FAM107B: variants seen among roughly 807,000 people sequenced by gnomAD.
FAM107B encodes the protein family with sequence similarity 107 member B.
Under a neutral mutation model 31.5 loss-of-function variants are expected in FAM107B, and 21 were observed. That is an observed-to-expected ratio of 0.67 (90% confidence interval 0.47 to 0.96). FAM107B has a LOEUF of 0.96. Ranked by LOEUF, FAM107B falls within the 40% of genes least tolerant of loss-of-function variation. The pLI is 0.00. For synonymous variants in FAM107B, 157 were observed against 141.5 expected (o/e 1.11, Z -0.78); for missense variants, 452 against 377.1 (o/e 1.20, Z -1.64).
At chr10:14,524,519 CTAAA>C (rs1445715842) in intron 3 of FAM107B, among the ~76,000 whole-genome samples, 1 of 152,074 alleles carries the variant, frequency 6.6e-6, no homozygotes, top group East Asian at 1.9e-4. Context: ...GTTATCAAAA[CTAAA>C]TAAACAACAG....
intron 1 of FAM107B, among the ~76,000 whole-genome samples, chr10:14,708,775 C>T (rs1015332355): frequency 1.3e-5 from 2 of 152,110 alleles, no homozygotes; most frequent in African/African-American, 2.4e-5. Flanking sequence ...AAGAACGTTT[C>T]AAACTCAACA....
At chr10:14,524,203 G>A (rs1005755487) in intron 3 of FAM107B, among the ~76,000 whole-genome samples, 21 of 152,004 alleles carry the variant, frequency 1.4e-4, no homozygotes, top group African/African-American at 4.8e-4. Context: ...AACCACGACC[G>A]GATAATTTTT....
At chr10:14,657,797 T>C (rs1854104663) in intron 2 of FAM107B, among the ~76,000 whole-genome samples, 2 of 151,840 alleles carry the variant, frequency 1.3e-5, no homozygotes, top group Admixed American at 6.6e-5. Flanking sequence ...AACAAGCATG[T>C]TGCCACCTTC....
intron 2 of FAM107B, among the ~76,000 whole-genome samples, chr10:14,627,369 C>A (rs1289442516): frequency 3.9e-5 from 6 of 152,176 alleles, no homozygotes. Context: ...GATAAACAGA[C>A]AGGAGGAGAT....
At chr10:14,633,752 C>T (rs11259241) in intron 2 of FAM107B, among the ~76,000 whole-genome samples, 6,255 of 152,224 alleles carry the variant, frequency 0.041, 193 homozygotes, top group African/African-American at 0.087. Flanking sequence ...CATTCTGCAA[C>T]CTGACAACTT....
chr10:14,704,525 C>A (rs1855477497), intron 1 of FAM107B, among the ~76,000 whole-genome samples: 1 of 152,144 alleles, frequency 6.6e-6, no homozygotes, highest in South Asian at 2.1e-4. Context: ...AGGGGACGCC[C>A]AGCCAAGACT....
chr10:14,536,752 A>G (rs866234043), intron 2 of FAM107B, among the ~76,000 whole-genome samples: 1 of 152,172 alleles, frequency 6.6e-6, no homozygotes, highest in Non-Finnish European at 1.5e-5. Flanking sequence ...GTAAGTGCAG[A>G]GACGTTATTG....
intron 2 of FAM107B, among the ~76,000 whole-genome samples, chr10:14,625,744 G>GA (rs926279236): frequency 8.1e-5 from 12 of 148,606 alleles, no homozygotes; most frequent in African/African-American, 1.2e-4. Flanking sequence ...TGCTTAGAAG[G>GA]AAAAAAAAAG....
At chr10:14,768,184 T>A (rs531149318) in intron 1 of FAM107B, among the ~76,000 whole-genome samples, 9 of 152,318 alleles carry the variant, frequency 5.9e-5, no homozygotes, top group African/African-American at 2.2e-4. Flanking sequence ...AAATATCTTG[T>A]GTTCATGGAT....
Position 14,520,489 on chromosome 10 carries a change from G to A in FAM107B, c.*701C>T, listed in dbSNP as rs1477934429. The A allele has an allele frequency of 6.6e-6, 1 of 152,200 alleles. No homozygotes were observed. The highest frequency in any genetic ancestry group is 1.5e-5 in the Non-Finnish European group (1 of 68,036). 9.4% of individuals were successfully genotyped at this position (152,200 alleles called of 1,614,324 possible). ...AAAGCAATTAATGAATGGACAGGATGTACCTTCTTGGAACTGGAATGTCAC... is the reference window on the plus strand; with the variant it reads ...AAAGCAATTAATGAATGGACAGGATATACCTTCTTGGAACTGGAATGTCAC... On this transcript the variant is annotated 3_prime_UTR_variant, in exon 5 of 5. Transcript: ENST00000181796.
chr10:14,674,106 G>C (rs1249854161), intron 1 of FAM107B, among the ~76,000 whole-genome samples: 4 of 152,192 alleles, frequency 2.6e-5, no homozygotes, highest in Non-Finnish European at 4.4e-5. Context: ...AACTCAAAAT[G>C]CATCAAAGAC....
At chr10:14,750,949 G>T (rs1208087115) in intron 1 of FAM107B, among the ~76,000 whole-genome samples, 3 of 152,182 alleles carry the variant, frequency 2.0e-5, no homozygotes, top group Non-Finnish European at 4.4e-5. Context: ...TCAGGGGTGG[G>T]CACGATGGGG....
chr10:14,774,378 G>C lies in FAM107B; in HGVS notation c.286C>G (p.Arg96Gly). 3.1e-6 allele frequency: 5 copies of C among 1,614,204 alleles called. No individual in the cohort carries two copies. Among genetic ancestry groups the C allele is most frequent in the Non-Finnish European group, 4.2e-6 (5 of 1,180,042 alleles). ...GTCTCCGCGGGCTGGGCCGCAGTGCGGTGACTTGAATTCCGATTCGCACTG... is the reference window on the plus strand; with the variant it reads ...GTCTCCGCGGGCTGGGCCGCAGTGCCGTGACTTGAATTCCGATTCGCACTG... ...NGSANRNSSH[R>G]TAAQPAETPE... The change falls in exon 1 of 5, where the codon CGC becomes GGC. Residue 96 changes from arginine (R) to glycine (G), a missense_variant. Arg to Gly is a moderately radical substitution (Grantham distance 125). Coordinates refer to ENST00000181796, the MANE Select transcript of FAM107B (RefSeq NM_031453.4).
At chr10:14,571,002 G>T (rs1851174524) in intron 2 of FAM107B, among the ~76,000 whole-genome samples, 1 of 152,090 alleles carries the variant, frequency 6.6e-6, no homozygotes, top group Admixed American at 6.6e-5. Flanking sequence ...TAGGCTGGGG[G>T]CCTTAAACAA....
intron 1 of FAM107B, chr10:14,723,351 G>C: frequency 3.7e-6 from 2 of 545,608 alleles, no homozygotes; most frequent in Admixed American, 1.9e-5. Context: ...GTGAACTCAG[G>C]TGCTGGAGCA....
At chr10:14,576,703 CAT>C (rs575534640) in intron 2 of FAM107B, among the ~76,000 whole-genome samples, 96 of 152,288 alleles carry the variant, frequency 6.3e-4, no homozygotes, top group African/African-American at 2.0e-3. Flanking sequence ...AGTGCAAACA[CAT>C]CTTTGTACTT....
At chr10:14,691,066 G>T (rs1400455921) in intron 1 of FAM107B, among the ~76,000 whole-genome samples, 2 of 151,642 alleles carry the variant, frequency 1.3e-5, no homozygotes, top group East Asian at 3.9e-4. Flanking sequence ...ACATGGGCTA[G>T]CTTCCGTCAC....
At chr10:14,766,587 G>A (rs1263728532) in intron 1 of FAM107B, among the ~76,000 whole-genome samples, 1 of 151,980 alleles carries the variant, frequency 6.6e-6, no homozygotes, top group Non-Finnish European at 1.5e-5. Context: ...GCATTTGGAG[G>A]GTTTTGAGCA....
intron 2 of FAM107B, chr10:14,572,263 T>G: frequency 1.0e-6 from 1 of 985,424 alleles, no homozygotes; most frequent in Non-Finnish European, 1.2e-6. Flanking sequence ...GCAGCACTGG[T>G]GAAATGTACT....
Sources: allele counts gnomAD v4.1 joint callset (sites outside exome capture counted in the v4.1 genomes callset), GRCh38; gene constraint gnomAD v4.1.1; transcripts MANE v1.5; gene names NCBI Gene and HGNC (gene_info 2026-07-23, HGNC 2026-07-21).